ACOXL: variants seen among roughly 807,000 people sequenced by gnomAD.
The protein encoded by ACOXL is acyl-coenzyme A oxidase-like protein.
ACOXL carries 70 observed loss-of-function variants against 71.9 expected under a neutral mutation model. That is an observed-to-expected ratio of 0.97 (90% CI 0.80 to 1.19). ACOXL has a LOEUF of 1.19. ACOXL is among the 50% of genes most tolerant of loss of function. The pLI is 0.00. For missense variants in ACOXL, 703 were observed against 736.3 expected (o/e 0.95, Z 0.52); for synonymous variants, 253 against 281.6 (o/e 0.90, Z 1.02).
intron 12 of ACOXL, among the ~76,000 whole-genome samples, chr2:110,967,044 A>G (rs2061963501): frequency 6.6e-6 from 1 of 152,246 alleles, no homozygotes; most frequent in Non-Finnish European, 1.5e-5. Flanking sequence ...CTTAAATGAG[A>G]AAGTCAATAG....
intron 9 of ACOXL, among the ~76,000 whole-genome samples, chr2:110,814,691 A>G (rs569822454): frequency 1.3e-5 from 2 of 152,244 alleles, no homozygotes; most frequent in Non-Finnish European, 2.9e-5. Flanking sequence ...AGTATTGTTC[A>G]CTGTAGAACT....
chr2:110,987,142 A>T lies in ACOXL; in HGVS notation c.1094A>T (p.Lys365Ile). The T allele has an allele frequency of 6.3e-7, 1 of 1,576,526 alleles. No homozygotes were observed. Among genetic ancestry groups the T allele is most frequent in the South Asian group, 1.2e-5 (1 of 86,236 alleles). ...CGGGAACTGCTGGCCCAATACACCA[A>T]ACAGTATGAAGAAAAACCACTCTTT... ...VGRELLAQYT[K>I]QYEEKPLFGL... is the part of the protein sequence containing the mutation. Residue 365 changes from lysine to isoleucine, a missense_variant, in exon 13 of 18, where the codon AAA (lysine) becomes ATA (isoleucine). Physicochemically the swap from Lys to Ile is moderately radical, Grantham distance 102. Coordinates refer to ENST00000439055, the MANE Select transcript of ACOXL (RefSeq NM_001142807.4).
chr2:111,077,060 C>T (rs182651567), intron 16 of ACOXL, among the ~76,000 whole-genome samples: 45 of 152,268 alleles, frequency 3.0e-4, no homozygotes, highest in Non-Finnish European at 4.7e-4. Context: ...GCCCTTTTCC[C>T]TTATAAAGTA....
intron 16 of ACOXL, among the ~76,000 whole-genome samples, chr2:111,075,985 T>C (rs998878615): frequency 3.3e-5 from 5 of 152,178 alleles, no homozygotes; most frequent in African/African-American, 1.2e-4. Flanking sequence ...TTTGTCTTGT[T>C]ACCCAGGATA....
intron 15 of ACOXL, among the ~76,000 whole-genome samples, 183 bp from the exon 16 acceptor site, chr2:111,049,032 TGGA>T (rs1345181100): frequency 6.6e-6 from 1 of 151,764 alleles, no homozygotes; most frequent in Non-Finnish European, 1.5e-5. Context: ...TCTGATGGGG[TGGA>T]GAAGTCACTG....
chr2:111,077,129 A>G (rs774000771), intron 16 of ACOXL, among the ~76,000 whole-genome samples: 11 of 152,242 alleles, frequency 7.2e-5, no homozygotes, highest in South Asian at 6.2e-4. Context: ...TTGGATGGCT[A>G]TCATTCAGCC....
chr2:110,801,998 G>C (rs536889787), intron 8 of ACOXL, among the ~76,000 whole-genome samples: 2 of 152,304 alleles, frequency 1.3e-5, no homozygotes, highest in South Asian at 4.2e-4. Flanking sequence ...TCTAAAGAGA[G>C]AGAGGTGTCA....
intron 17 of ACOXL, 125 bp downstream of exon 17, chr2:111,093,091 C>T (rs1286383256): frequency 1.4e-6 from 1 of 703,646 alleles, no homozygotes; most frequent in African/African-American, 1.8e-5. Flanking sequence ...TCTGGGACTT[C>T]ACATGTATAT....
intron 1 of ACOXL, among the ~76,000 whole-genome samples, chr2:110,760,209 G>A (rs191171815): frequency 9.2e-4 from 138 of 149,994 alleles, no homozygotes; most frequent in Non-Finnish European, 1.4e-3. Context: ...GTGCAATCTC[G>A]GCTCACTGCA....
At chr2:110,838,370 G>A (rs908671448) in intron 9 of ACOXL, among the ~76,000 whole-genome samples, 4 of 152,108 alleles carry the variant, frequency 2.6e-5, no homozygotes, top group East Asian at 3.9e-4. Context: ...GTGTGTGTGC[G>A]CACACACAGG....
intron 14 of ACOXL, among the ~76,000 whole-genome samples, chr2:111,010,150 G>A (rs1374297948): frequency 1.3e-5 from 2 of 151,996 alleles, no homozygotes; most frequent in African/African-American, 2.4e-5. Context: ...AAAATTCCCA[G>A]ATATTGAAAT....
intron 1 of ACOXL, among the ~76,000 whole-genome samples, chr2:110,758,534 C>T (rs1679989033): frequency 6.6e-6 from 1 of 151,972 alleles, no homozygotes; most frequent in South Asian, 2.1e-4. Context: ...TAGTGATATC[C>T]CCTTTATCAT....
intron 10 of ACOXL, among the ~76,000 whole-genome samples, chr2:110,895,867 T>C (rs2149172417): frequency 6.6e-6 from 1 of 152,140 alleles, no homozygotes; most frequent in African/African-American, 2.4e-5. Flanking sequence ...AAAAGAATCC[T>C]AAAAGAATTG....
At chr2:110,815,532 G>T (rs1315036269) in intron 9 of ACOXL, among the ~76,000 whole-genome samples, 2 of 152,172 alleles carry the variant, frequency 1.3e-5, no homozygotes, top group Non-Finnish European at 2.9e-5. Context: ...TAGAAGGAGG[G>T]GATGTTTTTC....
intron 5 of ACOXL, among the ~76,000 whole-genome samples, chr2:110,794,947 C>T (rs929769101): frequency 1.8e-4 from 27 of 151,984 alleles, no homozygotes; most frequent in African/African-American, 5.1e-4. Context: ...GCACCCCGCC[C>T]CCGCCCCTCA....
intron 5 of ACOXL, among the ~76,000 whole-genome samples, chr2:110,797,139 G>T (rs13002194): frequency 6.6e-6 from 1 of 152,216 alleles, no homozygotes. Flanking sequence ...GGAGACTGGG[G>T]AGAGCCAAGA....
At chr2:110,912,420 C>A (rs1448735820) in intron 11 of ACOXL, among the ~76,000 whole-genome samples, 1 of 152,074 alleles carries the variant, frequency 6.6e-6, no homozygotes, top group African/African-American at 2.4e-5. Context: ...TGGATAGATA[C>A]ACAGGTCAAC....
At chr2:110,747,430 TG>T (rs1678365502) in intron 1 of ACOXL, among the ~76,000 whole-genome samples, 2 of 152,326 alleles carry the variant, frequency 1.3e-5, no homozygotes, top group South Asian at 4.1e-4. Context: ...GCCACAGGAC[TG>T]GGTGCATCCT....
At chr2:110,865,207 G>A (rs1381088081) in intron 10 of ACOXL, among the ~76,000 whole-genome samples, 2 of 152,200 alleles carry the variant, frequency 1.3e-5, no homozygotes, top group Non-Finnish European at 2.9e-5. Context: ...GCAACTGCAT[G>A]TTTTCACTTG....
Sources: gnomAD v4.1 joint callset for allele counts (sites outside exome capture counted in the v4.1 genomes callset) on GRCh38, gnomAD v4.1.1 for gene constraint, MANE v1.5 for transcripts, NCBI Gene and HGNC (gene_info 2026-07-23, HGNC 2026-07-21) for gene names.